NKAIN2: variants seen among roughly 807,000 people sequenced by gnomAD.
NKAIN2 encodes sodium/potassium transporting ATPase interacting 2, also known as sodium/potassium-transporting ATPase subunit beta-1-interacting protein 2.
Under a neutral mutation model 32.6 loss-of-function variants are expected in NKAIN2, and 14 were observed. The ratio of observed to expected loss-of-function variants is 0.43; its 90% CI spans 0.28 to 0.67. The LOEUF (loss-of-function observed/expected upper bound fraction) is 0.67. Among genes scored for constraint, NKAIN2 ranks in the 30% least tolerant of loss-of-function variants. The probability of loss-of-function intolerance (pLI) is 0.17; values close to 1 mark genes in which losing one functional copy is unlikely to be tolerated. For synonymous variants in NKAIN2, 80 were observed against 87.2 expected, an observed-to-expected ratio of 0.92 and a Z score of 0.46; for missense variants, 198 against 258.3, an observed-to-expected ratio of 0.77 and a Z score of 1.60.
chr6:124,463,108 A>C (rs1394223650), intron 3 of NKAIN2, among the ~76,000 whole-genome samples: 1 of 152,106 alleles, frequency 6.6e-6, no homozygotes, highest in Admixed American at 6.6e-5. Context: ...TTCAAAAGGA[A>C]GAAATTTTTA....
intron 2 of NKAIN2, among the ~76,000 whole-genome samples, chr6:124,288,417 A>G (rs1795658477): frequency 6.6e-6 from 1 of 152,218 alleles, no homozygotes; most frequent in Admixed American, 6.5e-5. Flanking sequence ...TTTAGATTTT[A>G]AGTTGTGGTC....
intron 1 of NKAIN2, among the ~76,000 whole-genome samples, chr6:123,875,804 G>T (rs889536429): frequency 5.3e-5 from 8 of 151,890 alleles, no homozygotes; most frequent in African/African-American, 1.9e-4. Flanking sequence ...TGCTAAAATA[G>T]AATTTTATTT....
chr6:123,881,591 A>T (rs896877071), intron 1 of NKAIN2, among the ~76,000 whole-genome samples: 2 of 152,214 alleles, frequency 1.3e-5, no homozygotes, highest in Non-Finnish European at 2.9e-5. Flanking sequence ...ATTATCTTCC[A>T]TTCTTAAGGA....
At chr6:123,851,588 A>G (rs1254807560) in intron 1 of NKAIN2, among the ~76,000 whole-genome samples, 3 of 152,026 alleles carry the variant, frequency 2.0e-5, no homozygotes, top group Admixed American at 6.6e-5. Flanking sequence ...ACTGTTTTCC[A>G]TAATAGCCTT....
At chr6:124,008,127 A>C (rs1780159189) in intron 1 of NKAIN2, among the ~76,000 whole-genome samples, 1 of 152,196 alleles carries the variant, frequency 6.6e-6, no homozygotes, top group Admixed American at 6.5e-5. Context: ...GCCAGGGTAA[A>C]GAATACTAGG....
intron 1 of NKAIN2, among the ~76,000 whole-genome samples, chr6:124,183,087 T>C (rs182177511): frequency 1.4e-4 from 21 of 152,264 alleles, no homozygotes; most frequent in Admixed American, 1.2e-3. Flanking sequence ...AAATGTAATT[T>C]GAGAATTATG....
intron 1 of NKAIN2, among the ~76,000 whole-genome samples, chr6:124,120,321 A>G (rs1045710192): frequency 5.9e-5 from 9 of 152,192 alleles, no homozygotes; most frequent in African/African-American, 2.2e-4. Context: ...TAAACATCCC[A>G]GATATATTTG....
At chr6:124,381,433 C>G (rs1233862205) in intron 3 of NKAIN2, among the ~76,000 whole-genome samples, 1 of 151,948 alleles carries the variant, frequency 6.6e-6, no homozygotes, top group Admixed American at 6.6e-5. Context: ...GTGTTGAGAA[C>G]CATTTATTTG....
At chr6:123,957,285 A>G (rs1053983279) in intron 1 of NKAIN2, among the ~76,000 whole-genome samples, 2 of 152,232 alleles carry the variant, frequency 1.3e-5, no homozygotes, top group African/African-American at 2.4e-5. Context: ...TAAGTAAATC[A>G]TCATTATACT....
intron 3 of NKAIN2, among the ~76,000 whole-genome samples, chr6:124,572,495 T>C (rs952053809): frequency 1.3e-5 from 2 of 152,236 alleles, no homozygotes; most frequent in African/African-American, 4.8e-5. Flanking sequence ...ATCTTTCCGG[T>C]AAATTATTTA....
At chr6:124,725,332 G>C (rs937300950) in intron 4 of NKAIN2, among the ~76,000 whole-genome samples, 2 of 151,974 alleles carry the variant, frequency 1.3e-5, no homozygotes, top group Admixed American at 1.3e-4. Flanking sequence ...TCAAACTCCT[G>C]GGTTCAAGCA....
intron 1 of NKAIN2, among the ~76,000 whole-genome samples, chr6:124,084,954 G>C (rs189715394): frequency 6.6e-6 from 1 of 151,984 alleles, no homozygotes; most frequent in Non-Finnish European, 1.5e-5. Flanking sequence ...ATGCTGTAAT[G>C]ATATTTACTC....
chr6:124,449,626 GTT>G (rs1424180831), intron 3 of NKAIN2, among the ~76,000 whole-genome samples: 1 of 151,940 alleles, frequency 6.6e-6, no homozygotes, highest in East Asian at 1.9e-4. Flanking sequence ...TAATCCTTCA[GTT>G]TGAAGACAAT....
chr6:123,914,844 A>G (rs145836822), intron 1 of NKAIN2, among the ~76,000 whole-genome samples: 6 of 152,264 alleles, frequency 3.9e-5, no homozygotes, highest in African/African-American at 1.4e-4. Flanking sequence ...AAGCCTGTGG[A>G]ATTGCTCTGA....
At chr6:124,587,001 A>G (rs1041419391) in intron 3 of NKAIN2, among the ~76,000 whole-genome samples, 3 of 152,228 alleles carry the variant, frequency 2.0e-5, no homozygotes, top group African/African-American at 4.8e-5. Flanking sequence ...TCAAGGTAGG[A>G]AACAGATCCC....
intron 1 of NKAIN2, among the ~76,000 whole-genome samples, chr6:124,030,103 T>C (rs1282459253): frequency 6.6e-6 from 1 of 152,120 alleles, no homozygotes; most frequent in Non-Finnish European, 1.5e-5. Context: ...TAATGCCTAA[T>C]GACCTGTCAC....
intron 1 of NKAIN2, among the ~76,000 whole-genome samples, chr6:124,101,760 C>T (rs1343826827): frequency 1.3e-5 from 2 of 152,084 alleles, no homozygotes; most frequent in Non-Finnish European, 2.9e-5. Context: ...ACGCTGGGCT[C>T]ATGAACCAAG....
chr6:124,809,703 A>G, intron 5 of NKAIN2, among the ~76,000 whole-genome samples: 1 of 151,812 alleles, frequency 6.6e-6, no homozygotes. Flanking sequence ...GGCAACCCAC[A>G]AAATGGGAGA....
intron 3 of NKAIN2, among the ~76,000 whole-genome samples, chr6:124,473,049 T>C (rs1583302952): frequency 1.3e-5 from 2 of 152,182 alleles, no homozygotes; most frequent in South Asian, 4.1e-4. Flanking sequence ...GGATAGAAGC[T>C]TTCTGTTAGA....
Sources: gnomAD v4.1 joint callset for allele counts (sites outside exome capture counted in the v4.1 genomes callset) on GRCh38, gnomAD v4.1.1 for gene constraint, MANE v1.5 for transcripts, NCBI Gene and HGNC (gene_info 2026-07-23, HGNC 2026-07-21) for gene names.